Variants in FGF13 observed in about 807,000 individuals in gnomAD.
The protein encoded by FGF13 is fibroblast growth factor 13, also known as fibroblast growth factor homologous factor 2.
FGF13 carries 2 observed loss-of-function variants against 19.5 expected under a neutral mutation model. The observed-to-expected ratio is 0.10, with a 90% CI of 0.04 to 0.32. FGF13 has a LOEUF of 0.32. Among genes scored for constraint, FGF13 ranks in the 10% least tolerant of loss-of-function variants. FGF13 has a pLI of 1.00. For missense variants in FGF13, 113 were observed against 192.7 expected, an observed-to-expected ratio of 0.59 and a Z score of 2.45; for synonymous variants, 72 against 76.9, an observed-to-expected ratio of 0.94 and a Z score of 0.33.
intron 2 of FGF13, among the ~76,000 whole-genome samples, chrX:138,708,581 T>C (rs1013419967): frequency 8.9e-6 from 1 of 112,171 alleles, no homozygotes; most frequent in East Asian, 2.8e-4. Flanking sequence ...TAGATTTCCA[T>C]GGAGATGACA....
At chrX:139,113,680 A>G (rs182502273) in intron 1 of FGF13, among the ~76,000 whole-genome samples, 186 of 112,196 alleles carry the variant, frequency 1.7e-3, no homozygotes, top group South Asian at 5.6e-3. Context: ...TCCGTTCACA[A>G]TTCCTTATAC....
intron 1 of FGF13, among the ~76,000 whole-genome samples, chrX:139,131,329 G>A (rs1006013008): frequency 2.7e-5 from 3 of 110,074 alleles, no homozygotes; most frequent in Admixed American, 9.8e-5. Context: ...GCTGTAAACT[G>A]GTTTTACTAA....
At chrX:139,200,549 C>G (rs762822293) in intron 1 of FGF13, among the ~76,000 whole-genome samples, 11 of 111,958 alleles carry the variant, frequency 9.8e-5, no homozygotes, top group Non-Finnish European at 1.5e-4. Context: ...TGTCCAGCAG[C>G]CAGCATGAGC....
intron 3 of FGF13, among the ~76,000 whole-genome samples, chrX:138,828,797 T>C (rs2091052693): frequency 9.1e-6 from 1 of 110,414 alleles, no homozygotes; most frequent in African/African-American, 3.3e-5. Context: ...GCCATCTGCT[T>C]TATAAAACAG....
intron 1 of FGF13, among the ~76,000 whole-genome samples, chrX:138,899,439 C>A (rs2091520696): frequency 9.0e-6 from 1 of 111,348 alleles, no homozygotes; most frequent in Non-Finnish European, 1.9e-5. Flanking sequence ...GGTAAGGTCA[C>A]TTTATCATCC....
intron 1 of FGF13, among the ~76,000 whole-genome samples, chrX:139,073,266 A>G (rs931062415): frequency 9.1e-6 from 1 of 110,045 alleles, no homozygotes; most frequent in African/African-American, 3.3e-5. Context: ...TGCAAAGAGC[A>G]TATCTTTTGA....
chrX:138,797,547 T>G (rs1043537765), intron 3 of FGF13, among the ~76,000 whole-genome samples: 4 of 111,928 alleles, frequency 3.6e-5, no homozygotes, highest in African/African-American at 1.3e-4. Flanking sequence ...ACGGGTTCTT[T>G]TTTGGTTCCA....
chrX:139,041,561 C>T (rs1461293710), intron 1 of FGF13, among the ~76,000 whole-genome samples: 1 of 111,567 alleles, frequency 9.0e-6, no homozygotes. Context: ...TTATTAATTA[C>T]TACAGGTACT....
chrX:139,175,864 G>T (rs1357328864), intron 1 of FGF13, among the ~76,000 whole-genome samples: 3 of 111,604 alleles, frequency 2.7e-5, no homozygotes, highest in African/African-American at 6.5e-5. Flanking sequence ...AAATTTTTTT[G>T]TTGTTGTTGT....
At chrX:138,841,982 G>C (rs1261007110) in intron 3 of FGF13, among the ~76,000 whole-genome samples, 2 of 111,724 alleles carry the variant, frequency 1.8e-5, no homozygotes, top group African/African-American at 6.5e-5. Context: ...AGTCGAGTCT[G>C]AATAGTTAGC....
intron 1 of FGF13, among the ~76,000 whole-genome samples, chrX:138,726,671 A>G (rs1034993558): frequency 6.2e-5 from 7 of 112,064 alleles, no homozygotes; most frequent in African/African-American, 1.9e-4. Context: ...GAGACCTCTA[A>G]TGGCCTCCCA....
At position 138,953,780 on chromosome X, in the gene FGF13, T is replaced by A. The variant is rs920794958; in HGVS notation, c.-112-89130A>T. Among the ~76,000 whole-genome samples the A allele has an allele frequency of 2.0e-3, 219 of 110,727 alleles. 1 individual carries two copies. The highest frequency in any genetic ancestry group is 0.014 in the Middle Eastern group (3 of 215). On this transcript the variant is annotated intron_variant, in intron 1 of 2. Transcript: ENST00000421460. ...TGATACACATAACACTATGGACAGA[T>A]CTTAAATCACCATCTGAATGAAAAA...
intron 1 of FGF13, among the ~76,000 whole-genome samples, chrX:138,909,291 G>A (rs1163161872): frequency 8.9e-6 from 1 of 111,781 alleles, no homozygotes; most frequent in Non-Finnish European, 1.9e-5. Flanking sequence ...TGTAGAAGCC[G>A]ACAGAGTACC....
chrX:139,153,235 C>G (rs911102530), intron 1 of FGF13, among the ~76,000 whole-genome samples: 1 of 110,824 alleles, frequency 9.0e-6, no homozygotes, highest in Non-Finnish European at 1.9e-5. Context: ...TTGGCAGGTC[C>G]AACCTGGCTT....
intron 1 of FGF13, among the ~76,000 whole-genome samples, chrX:139,065,652 G>A (rs768922832): frequency 7.3e-5 from 8 of 110,066 alleles, no homozygotes; most frequent in South Asian, 3.9e-4. Flanking sequence ...CACCCAAAAC[G>A]GGAGTACCCA....
intron 1 of FGF13, among the ~76,000 whole-genome samples, chrX:138,898,623 A>AT (rs902496991): frequency 9.0e-6 from 1 of 111,480 alleles, no homozygotes; most frequent in Non-Finnish European, 1.9e-5. Flanking sequence ...GCATTCATAG[A>AT]TTTTTTTTCA....
chrX:138,974,383 T>C (rs2091931521), intron 1 of FGF13, among the ~76,000 whole-genome samples: 1 of 111,557 alleles, frequency 9.0e-6, no homozygotes, highest in Non-Finnish European at 1.9e-5. Flanking sequence ...GCAGGAAATA[T>C]AGTGGAGCTC....
intron 1 of FGF13, among the ~76,000 whole-genome samples, chrX:138,906,001 T>C (rs2091556423): frequency 9.0e-6 from 1 of 111,175 alleles, no homozygotes; most frequent in East Asian, 2.8e-4. Context: ...AAATGAAACA[T>C]CCATCTCATA....
chrX:138,905,842 T>A (rs766220875), intron 1 of FGF13, among the ~76,000 whole-genome samples: 9 of 111,549 alleles, frequency 8.1e-5, no homozygotes, highest in African/African-American at 2.9e-4. Flanking sequence ...ACCACCATTC[T>A]CTATCTGATC....
Sources: allele counts gnomAD v4.1 joint callset (sites outside exome capture counted in the v4.1 genomes callset), GRCh38; gene constraint gnomAD v4.1.1; transcripts MANE v1.5; gene names NCBI Gene and HGNC (gene_info 2026-07-23, HGNC 2026-07-21).